The following ASIC2 variants were observed in gnomAD, a reference collection of about 807,000 sequenced individuals.
ASIC2 encodes the protein acid-sensing ion channel 2.
ASIC2 carries 25 observed loss-of-function variants against 57.3 expected under a neutral mutation model. The ratio of observed to expected loss-of-function variants is 0.44; its 90% CI spans 0.32 to 0.61. ASIC2 has a LOEUF of 0.61. ASIC2 is among the 20% of genes least tolerant of loss of function. The pLI is 0.06. For missense variants in ASIC2, 641 were observed against 738.1 expected, an observed-to-expected ratio of 0.87 and a Z score of 1.52; for synonymous variants, 319 against 307.5, an observed-to-expected ratio of 1.04 and a Z score of -0.39.
At chr17:33,544,174 T>C (rs1915509031) in intron 1 of ASIC2, among the ~76,000 whole-genome samples, 1 of 152,214 alleles carries the variant, frequency 6.6e-6, no homozygotes, top group Admixed American at 6.5e-5. Flanking sequence ...CTTATCAGAA[T>C]GGTTTTGAGA....
chr17:33,513,306 T>C (rs981549626), intron 1 of ASIC2, among the ~76,000 whole-genome samples: 2 of 152,260 alleles, frequency 1.3e-5, no homozygotes, highest in African/African-American at 4.8e-5. Flanking sequence ...AGTGCAATTA[T>C]TTTCAGCTTT....
At chr17:34,060,824 C>T (rs1018607705) in intron 1 of ASIC2, among the ~76,000 whole-genome samples, 2 of 151,996 alleles carry the variant, frequency 1.3e-5, no homozygotes, top group African/African-American at 4.8e-5. Context: ...AAAATATGAA[C>T]AAAGCTTCCA....
intron 1 of ASIC2, among the ~76,000 whole-genome samples, chr17:33,634,399 G>A (rs1014070319): frequency 6.6e-6 from 1 of 151,932 alleles, no homozygotes; most frequent in Non-Finnish European, 1.5e-5. Flanking sequence ...CTTCACCTAA[G>A]TTAGTAACAA....
intron 3 of ASIC2, among the ~76,000 whole-genome samples, chr17:33,040,304 CTGTG>C (rs2091924866): frequency 6.6e-6 from 1 of 152,220 alleles, no homozygotes; most frequent in Non-Finnish European, 1.5e-5. Flanking sequence ...GGATCTCTGT[CTGTG>C]TATTATTGGC....
chr17:33,859,675 G>T (rs1238417298), intron 1 of ASIC2, among the ~76,000 whole-genome samples: 1 of 152,106 alleles, frequency 6.6e-6, no homozygotes, highest in African/African-American at 2.4e-5. Flanking sequence ...GCAGGGGATG[G>T]GTTTACTTAT....
intron 1 of ASIC2, among the ~76,000 whole-genome samples, chr17:33,871,350 C>T: frequency 6.6e-6 from 1 of 152,184 alleles, no homozygotes; most frequent in Non-Finnish European, 1.5e-5. Flanking sequence ...AGAAATAACA[C>T]ACATAAAGCT....
intron 1 of ASIC2, among the ~76,000 whole-genome samples, chr17:33,867,901 A>G (rs1914284808): frequency 6.6e-6 from 1 of 152,242 alleles, no homozygotes; most frequent in African/African-American, 2.4e-5. Flanking sequence ...AAAGCTAAGC[A>G]GGGACATGGG....
intron 3 of ASIC2, among the ~76,000 whole-genome samples, chr17:33,063,813 T>C (rs1196906255): frequency 6.6e-6 from 1 of 152,016 alleles, no homozygotes; most frequent in African/African-American, 2.4e-5. Flanking sequence ...GACGTAGATT[T>C]GGTCTTTTCA....
At chr17:33,686,993 T>C (rs888711221) in intron 1 of ASIC2, among the ~76,000 whole-genome samples, 3 of 152,178 alleles carry the variant, frequency 2.0e-5, no homozygotes, top group Admixed American at 6.5e-5. Context: ...AGGGAACCTA[T>C]GCGGGCTTTG....
At position 33,246,687 on chromosome 17, in the gene ASIC2, T is replaced by G. The variant is rs956750; in HGVS notation, c.708+44721A>C. Among the ~76,000 whole-genome samples the G allele has an allele frequency of 3.3e-3, 508 of 152,360 alleles. 3 individuals are homozygous for G. Among genetic ancestry groups the G allele is most frequent in the African/African-American group, 0.011 (458 of 41,586 alleles). ...AAAAACAATTGCCTAAATGAGCAAGTGCATAGTGCCTTACTGTTTACAAAG... is the reference window on the plus strand; with the variant it reads ...AAAAACAATTGCCTAAATGAGCAAGGGCATAGTGCCTTACTGTTTACAAAG... On this transcript the variant is annotated intron_variant, in intron 1 of 9. Transcript: ENST00000225823.
At chr17:33,029,020 T>C (rs557819277) in intron 3 of ASIC2, among the ~76,000 whole-genome samples, 4 of 152,360 alleles carry the variant, frequency 2.6e-5, no homozygotes, top group South Asian at 2.1e-4. Context: ...TGATCATAAA[T>C]GCTCTCATAG....
intron 1 of ASIC2, among the ~76,000 whole-genome samples, chr17:33,807,093 C>G (rs530020198): frequency 6.6e-6 from 1 of 152,284 alleles, no homozygotes; most frequent in African/African-American, 2.4e-5. Flanking sequence ...AGCATCTTCC[C>G]CTACACTCCA....
intron 4 of ASIC2, among the ~76,000 whole-genome samples, chr17:33,026,363 A>G (rs913225119): frequency 6.6e-6 from 1 of 152,000 alleles, no homozygotes; most frequent in South Asian, 2.1e-4. Context: ...ATCTTCTTTA[A>G]CCCATACAGG....
At chr17:33,811,274 G>A (rs575821376) in intron 1 of ASIC2, among the ~76,000 whole-genome samples, 1 of 152,310 alleles carries the variant, frequency 6.6e-6, no homozygotes, top group Admixed American at 6.5e-5. Flanking sequence ...TGGAGCCAGA[G>A]AGGAGAAACA....
chr17:33,292,139 A>AGCG lies in ASIC2; in HGVS notation c.-27_-25dup. The AGCG allele has an allele frequency of 1.9e-6, 2 of 1,033,372 alleles. No homozygotes were observed. Among genetic ancestry groups the AGCG allele is most frequent in the South Asian group, 9.0e-5 (2 of 22,194 alleles). The allele number at this position is 1,033,372 out of a possible 1,614,324, so 64.0% of individuals were successfully genotyped here. Reference sequence around the variant, plus strand: ...ATTCATTCAGCCCGCGGCTGGCGGCAGCGGCGGCGGCCCCGGCCGGGCGGA... The same window carrying AGCG: ...ATTCATTCAGCCCGCGGCTGGCGGCAGCGGCGGCGGCGGCCCCGGCCGGGCGGA... On this transcript the variant is annotated 5_prime_UTR_variant, in exon 1 of 10. Transcript: ENST00000225823.
chr17:33,954,457 A>C (rs1275839896), intron 1 of ASIC2, among the ~76,000 whole-genome samples: 1 of 152,036 alleles, frequency 6.6e-6, no homozygotes, highest in East Asian at 1.9e-4. Flanking sequence ...CACCTGGGGC[A>C]TCCCGGGAGG....
intron 1 of ASIC2, among the ~76,000 whole-genome samples, chr17:33,511,734 T>C (rs1161243746): frequency 6.6e-6 from 1 of 152,198 alleles, no homozygotes; most frequent in Non-Finnish European, 1.5e-5. Context: ...GCCAGCATGG[T>C]CTTTGAAAAA....
intron 1 of ASIC2, 69 bp from the exon 2 acceptor site, chr17:33,112,136 G>A (rs568225586): frequency 1.5e-5 from 22 of 1,488,236 alleles, no homozygotes; most frequent in East Asian, 1.0e-4. Context: ...AGAGATTGGC[G>A]AGACCCCAGA....
chr17:33,883,258 A>T (rs979659120), intron 1 of ASIC2, among the ~76,000 whole-genome samples: 19 of 152,168 alleles, frequency 1.2e-4, no homozygotes, highest in Non-Finnish European at 2.2e-4. Context: ...AATATTAATA[A>T]AAAAAGTCTG....
Sources: allele counts gnomAD v4.1 joint callset (sites outside exome capture counted in the v4.1 genomes callset), GRCh38; gene constraint gnomAD v4.1.1; transcripts MANE v1.5; gene names NCBI Gene and HGNC (gene_info 2026-07-23, HGNC 2026-07-21).